The following CDK5RAP2 variants were observed in gnomAD, a reference collection of about 807,000 sequenced individuals.
CDK5RAP2 encodes the protein CDK5 regulatory subunit-associated protein 2.
Under a neutral mutation model 232.9 loss-of-function variants are expected in CDK5RAP2, and 147 were observed. The observed-to-expected ratio is 0.63, with a 90% CI of 0.55 to 0.72. The LOEUF is 0.72. Ranked by LOEUF, CDK5RAP2 falls within the 30% of genes least tolerant of loss-of-function variation. The pLI is 0.00. For missense variants in CDK5RAP2, 2,195 were observed against 2,231.5 expected (o/e 0.98, Z 0.33); for synonymous variants, 833 against 833.7 (o/e 1.00, Z 0.01).
At chr9:120,551,927 G>T (rs1425278495) in intron 3 of CDK5RAP2, among the ~76,000 whole-genome samples, 1 of 152,034 alleles carries the variant, frequency 6.6e-6, no homozygotes, top group Non-Finnish European at 1.5e-5. Flanking sequence ...GGAAGAAAAT[G>T]TTTGCAATCT....
rs370988646 is a variant in CDK5RAP2, at chr9:120,539,036, C to G, written c.507+5G>C. The G allele has an allele frequency of 4.5e-5, 72 of 1,613,904 alleles. No homozygotes were observed. Among genetic ancestry groups the G allele is most frequent in the Non-Finnish European group, 6.0e-5 (71 of 1,179,880 alleles). On this transcript the variant is annotated splice_donor_5th_base_variant and intron_variant, in intron 6 of 37. Coordinates refer to ENST00000349780, the MANE Select transcript of CDK5RAP2 (RefSeq NM_018249.6). ...ATACACTGCCCTCAGGATTTCCAGA[C>G]TTGCCTTTTCCAAAAGGAGTATTCT... is the stretch of plus-strand genomic sequence containing the variant.
intron 12 of CDK5RAP2, among the ~76,000 whole-genome samples, chr9:120,498,228 G>A (rs2131694737): frequency 6.6e-6 from 1 of 152,222 alleles, no homozygotes; most frequent in South Asian, 2.1e-4. Context: ...TCCATACTTA[G>A]CGATGGCCCC....
intron 11 of CDK5RAP2, among the ~76,000 whole-genome samples, chr9:120,523,257 A>C (rs1028641074): frequency 2.6e-5 from 4 of 152,226 alleles, no homozygotes; most frequent in African/African-American, 9.6e-5. Context: ...GTAACATTTA[A>C]ATGTATAAGA....
At chr9:120,562,396 C>T (rs1288893008) in intron 3 of CDK5RAP2, among the ~76,000 whole-genome samples, 11 of 152,130 alleles carry the variant, frequency 7.2e-5, no homozygotes, top group Non-Finnish European at 1.3e-4. Flanking sequence ...CAAATGAACC[C>T]CTGTACTTAA....
At position 120,407,220 on chromosome 9, in the gene CDK5RAP2, C is replaced by T; in HGVS notation, c.4755G>A (p.Gln1585=). Residue 1585 remains glutamine (Q), a synonymous_variant, in exon 32 of 38, where the codon CAG becomes CAA. Transcript: ENST00000349780. ...GGCTGTGCAGGTCCCTGAAAGGATCCTGCCCCTTCCAGCCTTCTCCCGACG... is the reference window on the plus strand; with the variant it reads ...GGCTGTGCAGGTCCCTGAAAGGATCTTGCCCCTTCCAGCCTTCTCCCGACG... ...REASGEGWKG[Q]DPFRDLHSLL... 1 of 1,613,386 alleles carries T rather than the reference C, an allele frequency of 6.2e-7. No homozygotes were observed. The highest frequency in any genetic ancestry group is 1.1e-5 in the South Asian group (1 of 91,088).
intron 4 of CDK5RAP2, 145 bp from the exon 5 acceptor site, chr9:120,545,935 C>T: frequency 2.9e-6 from 2 of 700,116 alleles, no homozygotes; most frequent in Non-Finnish European, 5.1e-6. Context: ...CCTCATTAGC[C>T]TCAGGGCACA....
chr9:120,451,041 T>G (rs1348859326), intron 21 of CDK5RAP2, among the ~76,000 whole-genome samples: 1 of 152,208 alleles, frequency 6.6e-6, no homozygotes, highest in Non-Finnish European at 1.5e-5. Context: ...TCCACCAATC[T>G]TTATTCCTGG....
chr9:120,441,035 A>G (rs1219246927), intron 23 of CDK5RAP2, among the ~76,000 whole-genome samples: 1 of 152,244 alleles, frequency 6.6e-6, no homozygotes, highest in East Asian at 1.9e-4. Flanking sequence ...CAGAAAGAAT[A>G]TGAAGTTTGA....
In CDK5RAP2 at chr9:120,413,807, C is replaced by CGAGGAGAGGGGAGGGAGGAGGGAGGAGG. The variant is rs1448879980; in HGVS notation, c.4297+1232_4297+1233insCCTCCTCCCTCCTCCCTCCCCTCTCCTC. Among the ~76,000 whole-genome samples the CGAGGAGAGGGGAGGGAGGAGGGAGGAGG allele has an allele frequency of 3.6e-5, 4 of 111,972 alleles. No individual in the cohort carries two copies. The South Asian group carries it at 1.3e-3, about 36-fold the overall frequency. 73.5% of individuals were successfully genotyped at this position (111,972 alleles called of 152,430 possible). A position where few individuals can be genotyped will look rare whatever the true frequency, so the allele number is the denominator to read the frequency against. ...ATATGCAGGAAATGGGCGCAGTGAGCGAGGAGGGAGGAGGGAGGAGGGAGG... is the reference window on the plus strand; with the variant it reads ...ATATGCAGGAAATGGGCGCAGTGAGCGAGGAGAGGGGAGGGAGGAGGGAGGAGGGAGGAGGGAGGAGGGAGGAGGGAGG... On this transcript the variant is annotated intron_variant, in intron 28 of 37. Transcript: ENST00000349780.
chr9:120,467,113 A>C (rs896584281), intron 18 of CDK5RAP2, among the ~76,000 whole-genome samples: 1 of 152,246 alleles, frequency 6.6e-6, no homozygotes, highest in African/African-American at 2.4e-5. Flanking sequence ...CCCAGGTCCC[A>C]AACAGAAAAT....
intron 13 of CDK5RAP2, among the ~76,000 whole-genome samples, chr9:120,489,378 G>T (rs1225066666): frequency 1.3e-5 from 2 of 152,140 alleles, no homozygotes; most frequent in African/African-American, 4.8e-5. Context: ...TTTCAATGTA[G>T]AAATAGTTGT....
intron 32 of CDK5RAP2, chr9:120,406,493 C>G (rs796367084): frequency 6.4e-6 from 1 of 156,862 alleles, no homozygotes; most frequent in Non-Finnish European, 1.4e-5. Flanking sequence ...TGCTCCACAC[C>G]CTGGGTGGGC....
chr9:120,518,659 C>T lies in CDK5RAP2; in HGVS notation c.1093-14G>A, dbSNP rs75029577. On this transcript the variant is annotated splice_polypyrimidine_tract_variant and intron_variant, in intron 11 of 37. Transcript: ENST00000349780. Reference sequence around the variant, plus strand: ...GTCTTCAGACCCCTAGAAGAGAAGGCAGAGAAGCAAGATGAGCTAATTTTC... The same window carrying T: ...GTCTTCAGACCCCTAGAAGAGAAGGTAGAGAAGCAAGATGAGCTAATTTTC... 0.028 allele frequency: 44,583 copies of T among 1,608,532 alleles called. 733 individuals carry two copies. Among genetic ancestry groups the T allele is most frequent in the Non-Finnish European group, 0.03 (35,617 of 1,175,278 alleles).
At chr9:120,445,922 A>G (rs1032569291) in intron 22 of CDK5RAP2, among the ~76,000 whole-genome samples, 3 of 152,196 alleles carry the variant, frequency 2.0e-5, no homozygotes, top group Non-Finnish European at 4.4e-5. Flanking sequence ...AGTATGTCCA[A>G]ACCAGACCCC....
At chr9:120,547,834 A>G (rs915136462) in intron 4 of CDK5RAP2, among the ~76,000 whole-genome samples, 1 of 152,246 alleles carries the variant, frequency 6.6e-6, no homozygotes, top group Non-Finnish European at 1.5e-5. Context: ...TTCACGTCAC[A>G]GAAACTTACC....
At chr9:120,529,533 T>A (rs2041053452) in intron 8 of CDK5RAP2, among the ~76,000 whole-genome samples, 1 of 152,224 alleles carries the variant, frequency 6.6e-6, no homozygotes, top group Admixed American at 6.5e-5. Context: ...GATGGTATAC[T>A]GAACCCCTCC....
chr9:120,419,656 A>G, intron 27 of CDK5RAP2, 132 bp downstream of exon 27: 3 of 771,468 alleles, frequency 3.9e-6, no homozygotes, highest in Non-Finnish European at 7.0e-6. Context: ...AATGACCAGC[A>G]TTGGCCCTAA....
At chr9:120,568,612 G>A (rs1484297549) in intron 2 of CDK5RAP2, among the ~76,000 whole-genome samples, 1 of 152,200 alleles carries the variant, frequency 6.6e-6, no homozygotes, top group Admixed American at 6.5e-5. Context: ...GTGCACATCA[G>A]AGGATGAACC....
intron 35 of CDK5RAP2, among the ~76,000 whole-genome samples, chr9:120,397,076 C>T (rs1187271479): frequency 6.6e-6 from 1 of 152,250 alleles, no homozygotes; most frequent in Non-Finnish European, 1.5e-5. Flanking sequence ...AAGAACCCTT[C>T]CTGAGGGCCA....
Sources: allele counts gnomAD v4.1 joint callset (sites outside exome capture counted in the v4.1 genomes callset), GRCh38; gene constraint gnomAD v4.1.1; transcripts MANE v1.5; gene names NCBI Gene and HGNC (gene_info 2026-07-23, HGNC 2026-07-21).